Variants in SLC20A2 observed in about 807,000 individuals in gnomAD.
SLC20A2 encodes the protein solute carrier family 20 member 2, also known as sodium-dependent phosphate transporter 2.
Under a neutral mutation model 61.0 loss-of-function variants are expected in SLC20A2, and 30 were observed. That is an observed-to-expected ratio of 0.49 (90% CI 0.37 to 0.67). The LOEUF (loss-of-function observed/expected upper bound fraction) is 0.67, where lower values mean the gene tolerates loss of function less well. SLC20A2 is among the 30% of genes least tolerant of loss of function. The pLI, the probability that SLC20A2 is intolerant of heterozygous loss-of-function variation, is 0.00. For synonymous variants in SLC20A2, 351 were observed against 353.3 expected, an observed-to-expected ratio of 0.99 and a Z score of 0.07; for missense variants, 626 against 866.4, an observed-to-expected ratio of 0.72 and a Z score of 3.48.
At chr8:42,477,013 A>C (rs563181302) in intron 1 of SLC20A2, among the ~76,000 whole-genome samples, 15 of 152,310 alleles carry the variant, frequency 9.8e-5, no homozygotes, top group African/African-American at 3.1e-4. Context: ...CAATGCCAGC[A>C]ATCAATATGT....
At chr8:42,425,841 GA>G (rs1349143096) in intron 10 of SLC20A2, among the ~76,000 whole-genome samples, 2 of 152,080 alleles carry the variant, frequency 1.3e-5, no homozygotes, top group Non-Finnish European at 2.9e-5. Flanking sequence ...AGGAGATCGA[GA>G]CCATCCTGGC....
At position 42,522,282 on chromosome 8, in the gene SLC20A2, C is replaced by T. The variant is rs1013625157; in HGVS notation, c.-265+19539G>A. ...TATCCTTACTTTTCAGATGAGGACA[C>T]CGAAGGATGGAGAAGACAAGAAATT... On this transcript the variant is annotated intron_variant, in intron 1 of 10. Coordinates refer to the SLC20A2 transcript ENST00000342228. 3.1e-4 allele frequency among the ~76,000 whole-genome samples: 38 copies of T among 121,746 alleles called. 14 individuals are homozygous for T. The East Asian group carries it at 8.4e-3, about 27-fold the overall frequency. The allele number at this position is 121,746 out of a possible 152,430, so 79.9% of individuals were successfully genotyped here.
chr8:42,500,123 G>A (rs1231030551), intron 1 of SLC20A2, among the ~76,000 whole-genome samples: 1 of 152,214 alleles, frequency 6.6e-6, no homozygotes, highest in African/African-American at 2.4e-5. Context: ...GATAGCTGGT[G>A]AGCACCTATC....
chr8:42,418,794 G>A (rs1381369817), intron 10 of SLC20A2, among the ~76,000 whole-genome samples: 3 of 151,692 alleles, frequency 2.0e-5, no homozygotes, highest in Non-Finnish European at 4.4e-5. Flanking sequence ...GTCAGGAGAT[G>A]GAGACCATCC....
chr8:42,501,792 C>G (rs1810335648), upstream of SLC20A2, among the ~76,000 whole-genome samples: 1 of 152,212 alleles, frequency 6.6e-6, no homozygotes, highest in Non-Finnish European at 1.5e-5. Flanking sequence ...TTTGCAAAGG[C>G]ATTGTCCTTG....
intron 1 of SLC20A2, among the ~76,000 whole-genome samples, chr8:42,474,646 A>G (rs1807912786): frequency 6.6e-6 from 1 of 152,166 alleles, no homozygotes; most frequent in African/African-American, 2.4e-5. Context: ...TTCCCGGGCT[A>G]CCTTGCCAAT....
chr8:42,460,496 A>G (rs1806614300), intron 4 of SLC20A2, among the ~76,000 whole-genome samples: 1 of 152,222 alleles, frequency 6.6e-6, no homozygotes, highest in African/African-American at 2.4e-5. Context: ...ACAACACTCT[A>G]TTACACAATG....
Position 42,437,092 on chromosome 8 carries a change from C to T in SLC20A2, c.1420G>A (p.Glu474Lys), listed in dbSNP as rs775320928. The change falls in exon 8 of 11, where the codon GAG (glutamate) becomes AAG (lysine). Residue 474 changes from glutamate (E) to lysine (K), a missense_variant. This residue lies in a region of SLC20A2 where 361 missense variants were observed against 422.3 expected (regional missense o/e 0.85). Coordinates refer to ENST00000520262, the MANE Select transcript of SLC20A2 (RefSeq NM_001257180.2). The surrounding 1 kb of genome is among the most constrained non-coding windows in gnomAD (Gnocchi z 6.4). ...DQPREDPAEE[E>K]KEEKDAPEVH... ...TCGGGTGCGTCCTTCTCCTCCTTCT[C>T]CTCCTCTGCAGGGTCCTCTCGCGGC... is the stretch of plus-strand genomic sequence containing the variant. 3 of 1,613,992 alleles carry T rather than the reference C, an allele frequency of 1.9e-6. No individual in the cohort carries two copies. The highest frequency in any genetic ancestry group is 2.5e-6 in the Non-Finnish European group (3 of 1,180,048).
intron 1 of SLC20A2, among the ~76,000 whole-genome samples, chr8:42,530,519 T>C (rs1288781519): frequency 6.6e-6 from 1 of 152,230 alleles, no homozygotes; most frequent in Non-Finnish European, 1.5e-5. Flanking sequence ...TCCAATAATG[T>C]TGACATGCTT....
chr8:42,490,762 G>A (rs554499926), intron 1 of SLC20A2, among the ~76,000 whole-genome samples: 4 of 152,242 alleles, frequency 2.6e-5, no homozygotes, highest in South Asian at 2.1e-4. Flanking sequence ...GTGAGTTGCC[G>A]GGCACGCTGC....
At chr8:42,490,172 T>C (rs1008789029) in intron 1 of SLC20A2, among the ~76,000 whole-genome samples, 1 of 152,178 alleles carries the variant, frequency 6.6e-6, no homozygotes, top group Admixed American at 6.5e-5. Context: ...TAATTTCTTC[T>C]CAGAATACAA....
rs187610522 is a variant in SLC20A2 at position 42,524,861 on chromosome 8, C to A, written c.-265+16960G>T. Among the ~76,000 whole-genome samples the A allele has an allele frequency of 2.1e-3, 325 of 152,176 alleles. 1 individual carries two copies. Among genetic ancestry groups the A allele is most frequent in the Non-Finnish European group, 2.2e-3 (149 of 68,002 alleles). On this transcript the variant is annotated intron_variant, in intron 1 of 10. Transcript: ENST00000342228. ...GTAACAAGAAATTCTGAGACTGAGG[C>A]AGAAATCCAGATTCTTAAATGCTTT...
At chr8:42,519,086 C>T (rs56922446) in intron 1 of SLC20A2, among the ~76,000 whole-genome samples, 3,327 of 152,280 alleles carry the variant, frequency 0.022, 113 homozygotes, top group South Asian at 0.089. Context: ...TGAGCACAGA[C>T]GCTGTTCCTG....
chr8:42,478,294 C>A (rs1377368172), intron 1 of SLC20A2, among the ~76,000 whole-genome samples: 2 of 149,040 alleles, frequency 1.3e-5, no homozygotes, highest in African/African-American at 4.9e-5. Context: ...TCACTACAAC[C>A]TCTGCCTCCC....
chr8:42,451,005 C>T (rs1262514439), intron 5 of SLC20A2, among the ~76,000 whole-genome samples: 1 of 152,220 alleles, frequency 6.6e-6, no homozygotes, highest in Non-Finnish European at 1.5e-5. Flanking sequence ...ACAGCCTGCA[C>T]TTCACAATCA....
At chr8:42,477,464 CTTTTT>C (rs56302974) in intron 1 of SLC20A2, among the ~76,000 whole-genome samples, 7 of 50,296 alleles carry the variant, frequency 1.4e-4, no homozygotes, top group Non-Finnish European at 2.2e-4. Context: ...GGGACAGGGA[CTTTTT>C]TTTTTTTTTT....
At chr8:42,462,579 C>T (rs1316571256) in intron 4 of SLC20A2, among the ~76,000 whole-genome samples, 2 of 151,332 alleles carry the variant, frequency 1.3e-5, no homozygotes, top group African/African-American at 2.4e-5. Flanking sequence ...GTGTTTCAAC[C>T]TTGCTCTCTC....
At chr8:42,449,507 GT>G (rs1805485463) in intron 5 of SLC20A2, among the ~76,000 whole-genome samples, 1 of 152,112 alleles carries the variant, frequency 6.6e-6, no homozygotes, top group Non-Finnish European at 1.5e-5. Flanking sequence ...TGTACTTCTT[GT>G]TTTTCACATC....
chr8:42,535,273 C>A (rs937871529), intron 1 of SLC20A2: 1 of 152,058 alleles, frequency 6.6e-6, no homozygotes, highest in African/African-American at 2.4e-5. Flanking sequence ...GTCTCTGCTG[C>A]AGACATGCTG....
Sources: gnomAD v4.1 joint callset for allele counts (sites outside exome capture counted in the v4.1 genomes callset) on GRCh38, gnomAD v4.1.1 for gene constraint, gnomAD v4.1.1 regional missense constraint, Gnocchi (gnomAD v3.1) non-coding constraint, MANE v1.5 for transcripts, NCBI Gene and HGNC (gene_info 2026-07-23, HGNC 2026-07-21) for gene names.